Variants in SCML2 observed in about 807,000 individuals in gnomAD.
The protein encoded by SCML2 is Scm polycomb group protein like 2.
A neutral mutation model predicts 48.4 loss-of-function variants in SCML2; 6 were observed. The ratio of observed to expected loss-of-function variants is 0.12; its 90% CI spans 0.07 to 0.24. SCML2 has a LOEUF of 0.24. SCML2 is among the 10% of genes least tolerant of loss of function. The probability of loss-of-function intolerance (pLI) is 1.00; values close to 1 mark genes in which losing one functional copy is unlikely to be tolerated. For synonymous variants in SCML2, 181 were observed against 189.5 expected (o/e 0.95, Z 0.37); for missense variants, 377 against 528.2 (o/e 0.71, Z 2.81).
intron 1 of SCML2, chrX:18,341,224 CA>C: frequency 1.5e-6 from 1 of 674,974 alleles, no homozygotes; most frequent in Non-Finnish European, 2.1e-6. Context: ...AAATGGCAGA[CA>C]AACCAGACAT....
chrX:18,336,190 A>T (rs1238476069), intron 1 of SCML2, among the ~76,000 whole-genome samples: 3 of 111,464 alleles, frequency 2.7e-5, no homozygotes, highest in African/African-American at 9.8e-5. Flanking sequence ...CATGCCTGCA[A>T]TCCCAGCACT....
chrX:18,299,085 G>A (rs184178577), intron 7 of SCML2, among the ~76,000 whole-genome samples: 148 of 111,584 alleles, frequency 1.3e-3, no homozygotes, highest in African/African-American at 4.4e-3. Flanking sequence ...CACTGCAAAG[G>A]AAACAATCAA....
intron 11 of SCML2, among the ~76,000 whole-genome samples, chrX:18,249,359 C>T (rs962829721): frequency 4.5e-5 from 5 of 111,368 alleles, no homozygotes; most frequent in African/African-American, 1.3e-4. Context: ...AACAGCCATG[C>T]GATAATCGCT....
intron 11 of SCML2, among the ~76,000 whole-genome samples, chrX:18,253,198 C>A (rs1471677921): frequency 9.0e-6 from 1 of 111,541 alleles, no homozygotes; most frequent in African/African-American, 3.3e-5. Context: ...TGAAGAATAG[C>A]GAGGAATCAG....
chrX:18,246,221 GA>G (rs1482845580), intron 13 of SCML2, among the ~76,000 whole-genome samples: 3 of 112,541 alleles, frequency 2.7e-5, no homozygotes, highest in Non-Finnish European at 5.6e-5. Context: ...GAGAGACGAA[GA>G]AAAGTGTACA....
At chrX:18,285,041 A>C (rs1415746529) in intron 7 of SCML2, among the ~76,000 whole-genome samples, 1 of 55,144 alleles carries the variant, frequency 1.8e-5, no homozygotes, top group Non-Finnish European at 3.6e-5. Context: ...ACTCCGCCTC[A>C]AAAAAAAAAA....
rs907612066 is a variant in SCML2 at position 18,334,133 on chromosome X, A to G, written c.-24-38T>C. 14 of 977,284 alleles carry G rather than the reference A, an allele frequency of 1.4e-5. No homozygotes were observed. The African/African-American group carries it at 2.7e-4, about 19-fold the overall frequency. The allele number at this position is 977,284 out of a possible 1,213,427, so 80.5% of individuals were successfully genotyped here. ...AAACCAATTAATGCCTCCTTTTAGCATATTAGATTTCTGAAGGATAAGAAG... is the reference window on the plus strand; with the variant it reads ...AAACCAATTAATGCCTCCTTTTAGCGTATTAGATTTCTGAAGGATAAGAAG... On this transcript the variant is annotated intron_variant, in intron 1 of 14. Coordinates refer to ENST00000251900, the MANE Select transcript of SCML2 (RefSeq NM_006089.3).
intron 6 of SCML2, among the ~76,000 whole-genome samples, chrX:18,306,651 C>T (rs1028602998): frequency 1.1e-4 from 12 of 111,271 alleles, no homozygotes; most frequent in African/African-American, 3.9e-4. Context: ...AGTAAATAAG[C>T]TCTCAACTAA....
chrX:18,270,851 A>C (rs1927434192), intron 7 of SCML2, among the ~76,000 whole-genome samples: 1 of 111,546 alleles, frequency 9.0e-6, no homozygotes, highest in Non-Finnish European at 1.9e-5. Flanking sequence ...TAGTGGTCAC[A>C]AAGTGAATAA....
At chrX:18,346,025 A>G (rs139839838) in intron 1 of SCML2, among the ~76,000 whole-genome samples, 1,262 of 110,449 alleles carry the variant, frequency 0.011, 14 homozygotes, top group Middle Eastern at 0.033. Flanking sequence ...TCAGCCTCCC[A>G]AAGTGCCGGG....
chrX:18,285,888 G>A (rs1053512969), intron 7 of SCML2, among the ~76,000 whole-genome samples: 3 of 111,330 alleles, frequency 2.7e-5, no homozygotes, highest in African/African-American at 9.8e-5. Flanking sequence ...CACATTTTAA[G>A]TCTGTTAGCT....
At chrX:18,258,640 C>T (rs757205679) in intron 9 of SCML2, among the ~76,000 whole-genome samples, 16 of 110,959 alleles carry the variant, frequency 1.4e-4, no homozygotes, top group African/African-American at 3.3e-4. Context: ...CCTTTCAAAA[C>T]GGGTCATCTT....
chrX:18,312,460 T>C (rs1316101693), intron 6 of SCML2, among the ~76,000 whole-genome samples: 3 of 111,581 alleles, frequency 2.7e-5, no homozygotes, highest in Non-Finnish European at 5.6e-5. Context: ...TGATACCTAA[T>C]AGAATATAAA....
intron 7 of SCML2, among the ~76,000 whole-genome samples, chrX:18,303,713 A>G (rs918675441): frequency 8.9e-6 from 1 of 112,152 alleles, no homozygotes; most frequent in African/African-American, 3.2e-5. Flanking sequence ...GATCTGTATC[A>G]TACTAAATTT....
At chrX:18,318,767 A>G (rs1929213819) in intron 6 of SCML2, among the ~76,000 whole-genome samples, 1 of 111,909 alleles carries the variant, frequency 8.9e-6, no homozygotes, top group Non-Finnish European at 1.9e-5. Flanking sequence ...CACTCTTTTT[A>G]TATCTACAGT....
intron 7 of SCML2, among the ~76,000 whole-genome samples, chrX:18,278,409 T>C (rs760911658): frequency 9.0e-6 from 1 of 111,619 alleles, no homozygotes; most frequent in Admixed American, 9.4e-5. Flanking sequence ...CTCTGTGACT[T>C]TAGCTACAGA....
chrX:18,250,234 ACACAGTCT>A (rs1272339632), intron 11 of SCML2, among the ~76,000 whole-genome samples: 1 of 111,802 alleles, frequency 8.9e-6, no homozygotes, highest in Non-Finnish European at 1.9e-5. Context: ...TTATTTTGGG[ACACAGTCT>A]CACTCTGTTG....
intron 11 of SCML2, among the ~76,000 whole-genome samples, chrX:18,254,670 T>A (rs1381397942): frequency 8.9e-6 from 1 of 112,021 alleles, no homozygotes; most frequent in African/African-American, 3.2e-5. Context: ...AGGCCTGTAA[T>A]CCCAGCACTT....
chrX:18,273,597 T>C (rs1194855949), intron 7 of SCML2, among the ~76,000 whole-genome samples: 1 of 111,643 alleles, frequency 9.0e-6, no homozygotes, highest in Non-Finnish European at 1.9e-5. Flanking sequence ...TGCCTGTCAA[T>C]GACTTGATTC....
Sources: gnomAD v4.1 joint callset for allele counts (sites outside exome capture counted in the v4.1 genomes callset) on GRCh38, gnomAD v4.1.1 for gene constraint, MANE v1.5 for transcripts, NCBI Gene and HGNC (gene_info 2026-07-23, HGNC 2026-07-21) for gene names.